Variants in RAP1GAP2 observed in about 807,000 individuals in gnomAD.
RAP1GAP2 encodes the protein rap1 GTPase-activating protein 2.
In RAP1GAP2, 27 loss-of-function variants were observed where a neutral mutation model predicts 95.0. That is an observed-to-expected ratio of 0.28 (90% confidence interval 0.21 to 0.39). The LOEUF (loss-of-function observed/expected upper bound fraction) is 0.39, where lower values mean the gene tolerates loss of function less well. RAP1GAP2 is among the 10% of genes least tolerant of loss of function. The pLI, the probability that RAP1GAP2 is intolerant of heterozygous loss-of-function variation, is 1.00. For missense variants in RAP1GAP2, 771 were observed against 970.0 expected (o/e 0.79, Z 2.72); for synonymous variants, 373 against 380.9 (o/e 0.98, Z 0.24).
intron 8 of RAP1GAP2, among the ~76,000 whole-genome samples, chr17:2,974,914 A>G (rs887619037): frequency 2.0e-5 from 3 of 152,214 alleles, no homozygotes; most frequent in African/African-American, 7.2e-5. Context: ...CAGGGAACAG[A>G]AAATATAAAA....
At chr17:2,959,158 T>A (rs1343733146) in intron 4 of RAP1GAP2, among the ~76,000 whole-genome samples, 9 of 152,110 alleles carry the variant, frequency 5.9e-5, no homozygotes, top group Non-Finnish European at 1.2e-4. Context: ...TTCTCTCCGG[T>A]TGCTCCTCAG....
rs1381157708 is a variant in RAP1GAP2, at chr17:3,035,368, G to A, written c.*2007G>A. 1 of 152,292 alleles carries A rather than the reference G, an allele frequency of 6.6e-6. No individual in the cohort carries two copies. The highest frequency in any genetic ancestry group is 2.4e-5 in the African/African-American group (1 of 41,444). 9.4% of individuals were successfully genotyped at this position (152,292 alleles called of 1,614,324 possible). On this transcript the variant is annotated 3_prime_UTR_variant, in exon 25 of 25. Coordinates refer to ENST00000254695, the MANE Select transcript of RAP1GAP2 (RefSeq NM_015085.5). This position sits in a 1 kb window ranked among gnomAD's most constrained non-coding sequence, Gnocchi z 4.3. Reference sequence around the variant, plus strand: ...AAGCCGGCATTACAGGTGCTTGGTGGATGGGCCGTGTCACATTGCCATCTG... The same window carrying A: ...AAGCCGGCATTACAGGTGCTTGGTGAATGGGCCGTGTCACATTGCCATCTG...
intron 10 of RAP1GAP2, among the ~76,000 whole-genome samples, chr17:2,983,571 A>G (rs1017585511): frequency 2.6e-5 from 4 of 152,228 alleles, no homozygotes; most frequent in Non-Finnish European, 5.9e-5. Context: ...ATGGTCTTCA[A>G]ATTCAGCTCA....
rs939048486 is a variant in RAP1GAP2, at chr17:2,827,899, G to T, written c.80+27349G>T. ...CACGCCAGTGACGGTGGGGGCCCAG[G>T]GGGAGCGTGGCAGAGGCTCTCAGGC... On this transcript the variant is annotated intron_variant, in intron 2 of 24. Coordinates refer to ENST00000254695, the MANE Select transcript of RAP1GAP2 (RefSeq NM_015085.5). This position sits in a 1 kb window ranked among gnomAD's most constrained non-coding sequence, Gnocchi z 4.1. Among the ~76,000 whole-genome samples the T allele has an allele frequency of 6.6e-6, 1 of 152,162 alleles. No individual in the cohort carries two copies. Among genetic ancestry groups the T allele is most frequent in the Admixed American group, 6.6e-5 (1 of 15,264 alleles).
intron 8 of RAP1GAP2, among the ~76,000 whole-genome samples, chr17:2,969,443 A>T (rs1182559382): frequency 6.7e-6 from 1 of 149,206 alleles, no homozygotes; most frequent in Non-Finnish European, 1.5e-5. Context: ...ACACACACAC[A>T]CACACAATAA....
intron 2 of RAP1GAP2, among the ~76,000 whole-genome samples, chr17:2,833,279 A>C (rs1359529098): frequency 6.6e-6 from 1 of 150,546 alleles, no homozygotes; most frequent in Non-Finnish European, 1.5e-5. Context: ...GGTAGCTGGG[A>C]TTACAGGCAC....
chr17:2,858,530 A>C (rs922939771), intron 2 of RAP1GAP2, among the ~76,000 whole-genome samples: 4 of 152,060 alleles, frequency 2.6e-5, no homozygotes, highest in African/African-American at 9.7e-5. Flanking sequence ...GTACCAATGC[A>C]CTCCTCCACA....
At chr17:2,779,644 A>G (rs1425458692) in intron 1 of RAP1GAP2, among the ~76,000 whole-genome samples, 1 of 122,360 alleles carries the variant, frequency 8.2e-6, no homozygotes, top group Non-Finnish European at 1.9e-5. Context: ...AGCACTGGGC[A>G]GAGGAGGGCG....
intron 16 of RAP1GAP2, among the ~76,000 whole-genome samples, chr17:3,006,847 T>C (rs560139831): frequency 6.7e-6 from 1 of 149,294 alleles, no homozygotes; most frequent in Non-Finnish European, 1.5e-5. Context: ...AGTCGGGGGG[T>C]GGGGCAGGGG....
At chr17:2,988,583 A>G (rs2045637428) in intron 11 of RAP1GAP2, among the ~76,000 whole-genome samples, 3 of 152,184 alleles carry the variant, frequency 2.0e-5, no homozygotes, top group Non-Finnish European at 4.4e-5. Flanking sequence ...ACTCTGTGGT[A>G]TTATAACTGT....
chr17:2,799,101 C>T (rs573541091), intron 1 of RAP1GAP2, among the ~76,000 whole-genome samples: 1 of 152,360 alleles, frequency 6.6e-6, no homozygotes, highest in African/African-American at 2.4e-5. Context: ...ACCTAAGCGC[C>T]TGCTGTGAGG....
intron 17 of RAP1GAP2, among the ~76,000 whole-genome samples, chr17:3,016,038 G>A (rs1359964563): frequency 1.3e-5 from 2 of 152,126 alleles, no homozygotes; most frequent in African/African-American, 4.8e-5. Context: ...CTCACACTAC[G>A]ATAAGGAAAA....
At chr17:2,914,755 G>A (rs1481181109) in intron 3 of RAP1GAP2, among the ~76,000 whole-genome samples, 1 of 150,540 alleles carries the variant, frequency 6.6e-6, no homozygotes, top group African/African-American at 2.5e-5. Context: ...CTCCCAAAGT[G>A]CTGGGATTAC....
chr17:2,981,261 A>G lies in RAP1GAP2; in HGVS notation c.729+13A>G, dbSNP rs756565925. The G allele has an allele frequency of 6.2e-7, 1 of 1,602,984 alleles. No homozygotes were observed. Among genetic ancestry groups the G allele is most frequent in the African/African-American group, 1.3e-5 (1 of 74,806 alleles). ...CCTGTACCCCAAGGTAAGGACCTTC[A>G]TGCTCCCAACATAGGGGCCCTGCAG... is the stretch of plus-strand genomic sequence containing the variant. On this transcript the variant is annotated intron_variant, in intron 10 of 24. Transcript: ENST00000254695.
rs964824566 is a variant in RAP1GAP2, at chr17:2,963,686, G to C, written c.280-170G>C. ...TGGGGCTACAGGGTTGGCGAATGAA[G>C]CTGGAGGTGTTGTGGGGCTTGGAGG... On this transcript the variant is annotated intron_variant, in intron 6 of 24. Coordinates refer to ENST00000254695, the MANE Select transcript of RAP1GAP2 (RefSeq NM_015085.5). The surrounding 1 kb of genome is among the most constrained non-coding windows in gnomAD (Gnocchi z 4.8). 2.0e-5 allele frequency among the ~76,000 whole-genome samples: 3 copies of C among 152,194 alleles called. No homozygotes were observed. Among genetic ancestry groups the C allele is most frequent in the Admixed American group, 1.3e-4 (2 of 15,288 alleles).
chr17:2,887,704 T>G (rs1049944261), intron 2 of RAP1GAP2, among the ~76,000 whole-genome samples: 1 of 141,480 alleles, frequency 7.1e-6, no homozygotes, highest in African/African-American at 2.7e-5. Context: ...AAATGGAGTC[T>G]CTCTCTATTG....
At chr17:2,928,792 G>A (rs986469099) in intron 3 of RAP1GAP2, among the ~76,000 whole-genome samples, 2 of 152,068 alleles carry the variant, frequency 1.3e-5, no homozygotes, top group South Asian at 2.1e-4. Flanking sequence ...GGAATTGGTC[G>A]TCAGCTGTTG....
At chr17:2,987,025 C>T (rs1467761988) in intron 11 of RAP1GAP2, among the ~76,000 whole-genome samples, 1 of 152,314 alleles carries the variant, frequency 6.6e-6, no homozygotes, top group East Asian at 1.9e-4. Context: ...TTTTAGACTT[C>T]ATGGGCCTTG....
rs1380783279 is a variant in RAP1GAP2, at chr17:3,029,489, G to A, written c.2108-1433G>A. Among the ~76,000 whole-genome samples the A allele has an allele frequency of 6.6e-6, 1 of 152,144 alleles. No homozygotes were observed. The highest frequency in any genetic ancestry group is 1.5e-5 in the Non-Finnish European group (1 of 68,030). On this transcript the variant is annotated intron_variant, in intron 22 of 24. Transcript: ENST00000254695. The surrounding 1 kb of genome is among the most constrained non-coding windows in gnomAD (Gnocchi z 4.4). ...GGTTTCATGCTGTTTGGCTGAGTCT[G>A]GGGAGAGGCAGGGTGGAGTGGGGAG...
Sources: allele counts gnomAD v4.1 joint callset (sites outside exome capture counted in the v4.1 genomes callset), GRCh38; gene constraint gnomAD v4.1.1; non-coding constraint Gnocchi (gnomAD v3.1); transcripts MANE v1.5; gene names NCBI Gene and HGNC (gene_info 2026-07-23, HGNC 2026-07-21).